Variants in SRCIN1 observed in about 807,000 individuals in gnomAD.
SRCIN1 encodes the protein P130Cas-associated protein.
Under a neutral mutation model 116.2 loss-of-function variants are expected in SRCIN1, and 50 were observed. The ratio of observed to expected loss-of-function variants is 0.43; its 90% CI spans 0.34 to 0.54. The LOEUF (loss-of-function observed/expected upper bound fraction) is 0.54. Ranked by LOEUF, SRCIN1 falls within the 20% of genes least tolerant of loss-of-function variation. SRCIN1 has a pLI of 0.02. For missense variants in SRCIN1, 1,446 were observed against 1,672.0 expected, an observed-to-expected ratio of 0.86 and a Z score of 2.36; for synonymous variants, 736 against 750.0, an observed-to-expected ratio of 0.98 and a Z score of 0.30.
chr17:38,570,207 C>A (rs1906986870), intron 2 of SRCIN1, among the ~76,000 whole-genome samples: 2 of 152,136 alleles, frequency 1.3e-5, no homozygotes, highest in Admixed American at 1.3e-4. Flanking sequence ...TGGAAACAAA[C>A]AGAAACTCAG....
chr17:38,567,811 C>T (rs909216773), intron 3 of SRCIN1, among the ~76,000 whole-genome samples: 3 of 152,172 alleles, frequency 2.0e-5, no homozygotes, highest in African/African-American at 7.2e-5. Context: ...ATCACAGTCA[C>T]AGGGCCTCCC....
In SRCIN1 at chr17:38,552,477, C is replaced by G. The variant is rs1905494862; in HGVS notation, c.2450G>C (p.Gly817Ala). 1 of 1,603,408 alleles carries G rather than the reference C, an allele frequency of 6.2e-7. No homozygotes were observed. Among genetic ancestry groups the G allele is most frequent in the Non-Finnish European group, 8.5e-7 (1 of 1,175,378 alleles). The change falls in exon 13 of 19, where the codon GGG becomes GCG. Residue 817 changes from glycine (G) to alanine (A), a missense_variant. Transcript: ENST00000617146. This position sits in a 1 kb window ranked among gnomAD's most constrained non-coding sequence, Gnocchi z 5.3. ...RLDGLLKRCR[G>A]VTDTLAQIRR... The stretch of plus-strand genomic sequence containing the variant: ...GATCTGGGCCAGCGTGTCCGTGACC[C>G]CGCGGCAGCGCTTGAGGAGCCCATC...
intron 18 of SRCIN1, among the ~76,000 whole-genome samples, chr17:38,536,899 G>A (rs1904410959): frequency 6.6e-6 from 1 of 152,240 alleles, no homozygotes; most frequent in Non-Finnish European, 1.5e-5. Flanking sequence ...AAACAGCTGT[G>A]TGAGGCCGGG....
At chr17:38,596,526 C>G (rs1391609561) in intron 1 of SRCIN1, among the ~76,000 whole-genome samples, 1 of 152,162 alleles carries the variant, frequency 6.6e-6, no homozygotes, top group Non-Finnish European at 1.5e-5. Flanking sequence ...GGGGCAGACA[C>G]TTTACTGAGG....
At chr17:38,542,573 G>C (rs892568855) in intron 18 of SRCIN1, 3 of 155,216 alleles carry the variant, frequency 1.9e-5, no homozygotes, top group African/African-American at 7.2e-5. Flanking sequence ...GGCTCGCAGG[G>C]TGTCTGGGGG....
At chr17:38,598,560 G>T (rs1410951993) in intron 1 of SRCIN1, among the ~76,000 whole-genome samples, 1 of 152,148 alleles carries the variant, frequency 6.6e-6, no homozygotes, top group African/African-American at 2.4e-5. Flanking sequence ...CTGGGTCTGG[G>T]GTCTCCAGCA....
rs961895340 is a variant in SRCIN1 at position 38,602,478 on chromosome 17, C to G, written c.22+3206G>C. On this transcript the variant is annotated intron_variant, in intron 1 of 18. Coordinates refer to ENST00000617146, the MANE Select transcript of SRCIN1 (RefSeq NM_025248.3). The surrounding 1 kb of genome is among the most constrained non-coding windows in gnomAD (Gnocchi z 4.2). ...TTGGGGGGCACAACCTGTCCCCCAC[C>G]CCCCACAAATCCTAGAGTCCAGAGC... The G allele has an allele frequency of 6.6e-6, 1 of 152,144 alleles. No individual in the cohort carries two copies. The highest frequency in any genetic ancestry group is 1.5e-5 in the Non-Finnish European group (1 of 68,058). 9.4% of individuals were successfully genotyped at this position (152,144 alleles called of 1,614,324 possible).
chr17:38,539,324 G>A (rs1240078528), intron 18 of SRCIN1, among the ~76,000 whole-genome samples: 8 of 152,126 alleles, frequency 5.3e-5, no homozygotes, highest in African/African-American at 1.4e-4. Flanking sequence ...TCCTGGCCTC[G>A]AGTGATCCTC....
chr17:38,557,399 C>T (rs1307753336), intron 11 of SRCIN1, among the ~76,000 whole-genome samples: 1 of 152,258 alleles, frequency 6.6e-6, no homozygotes, highest in Non-Finnish European at 1.5e-5. Flanking sequence ...GCCCTGATCA[C>T]TCAGCCTCTC....
rs1195569357 is a variant in SRCIN1 at position 38,563,093 on chromosome 17, G to A, written c.741-173C>T. 6.6e-6 allele frequency among the ~76,000 whole-genome samples: 1 copy of A among 152,206 alleles called. No homozygotes were observed. The highest frequency in any genetic ancestry group is 2.4e-5 in the African/African-American group (1 of 41,440). ...CCACCCCGGCCTCTTCCTGGCCTCC[G>A]GCGCCATTTTCAGGTTAGCTCAAAG... On this transcript the variant is annotated intron_variant, in intron 5 of 18. Transcript: ENST00000617146. This position sits in a 1 kb window ranked among gnomAD's most constrained non-coding sequence, Gnocchi z 5.8.
At chr17:38,599,759 C>G (rs1473045784) in intron 1 of SRCIN1, among the ~76,000 whole-genome samples, 1 of 152,166 alleles carries the variant, frequency 6.6e-6, no homozygotes, top group Non-Finnish European at 1.5e-5. Context: ...GCAGGGTGTC[C>G]CTGGGTGGCT....
intron 1 of SRCIN1, among the ~76,000 whole-genome samples, chr17:38,597,542 T>G (rs1355603183): frequency 2.6e-5 from 4 of 152,224 alleles, no homozygotes; most frequent in African/African-American, 9.6e-5. Flanking sequence ...CTACCCACTC[T>G]GTGAGGAAGC....
At chr17:38,576,599 G>A (rs1405169852) in intron 2 of SRCIN1, among the ~76,000 whole-genome samples, 3 of 152,010 alleles carry the variant, frequency 2.0e-5, no homozygotes, top group Admixed American at 6.6e-5. Flanking sequence ...AGTCCTGAGT[G>A]GTGCATATGG....
chr17:38,563,339 C>A lies in SRCIN1; in HGVS notation c.724G>T (p.Glu242Ter). ...IKDEARNVFY[E>*]LEDVRDIQDR... ...CACGCCCACCGGACGTCCTCCAGCT[C>A]GTAGAAGACGTTGCGAGCCTCGTCT... is the stretch of plus-strand genomic sequence containing the variant. Residue 242 changes from glutamate to a stop codon, truncating the protein, a stop_gained, in exon 5 of 19, where the codon GAG becomes TAG. Transcript: ENST00000617146. LOFTEE classifies it high-confidence loss of function. The surrounding 1 kb of genome is among the most constrained non-coding windows in gnomAD (Gnocchi z 5.8). 1 of 1,574,176 alleles carries A rather than the reference C, an allele frequency of 6.4e-7. No individual in the cohort carries two copies. Among genetic ancestry groups the A allele is most frequent in the South Asian group, 1.2e-5 (1 of 85,396 alleles).
rs114770101 is a variant in SRCIN1, at chr17:38,563,357, C to A, written c.706G>T (p.Ala236Ser). The A allele has an allele frequency of 1.4e-3, 2,163 of 1,580,226 alleles. 22 individuals are homozygous for A. In the African/African-American group the frequency reaches 0.026, roughly 19 times the overall value. The change falls in exon 5 of 19, where the codon GCT becomes TCT. Residue 236 changes from alanine to serine, a missense_variant. By Grantham distance (99) the Ala-to-Ser change is moderately conservative. Transcript: ENST00000617146. The surrounding 1 kb of genome is among the most constrained non-coding windows in gnomAD (Gnocchi z 5.8). ...PNTAILIKDE[A>S]RNVFYELEDV... The stretch of plus-strand genomic sequence containing the variant: ...TCCAGCTCGTAGAAGACGTTGCGAG[C>A]CTCGTCTTTGATGAGGATGGCGGTA...
intron 1 of SRCIN1, among the ~76,000 whole-genome samples, chr17:38,605,472 C>T (rs1375106163): frequency 6.7e-6 from 1 of 150,176 alleles, no homozygotes; most frequent in Non-Finnish European, 1.5e-5. Context: ...CCCAGCACTC[C>T]TCTCGCCCGG....
intron 1 of SRCIN1, among the ~76,000 whole-genome samples, chr17:38,591,102 G>A (rs968446073): frequency 6.6e-6 from 1 of 152,174 alleles, no homozygotes; most frequent in African/African-American, 2.4e-5. Context: ...TAGCCTTCTT[G>A]TACCTATGCT....
At chr17:38,581,093 C>T (rs1329840087) in intron 1 of SRCIN1, among the ~76,000 whole-genome samples, 1 of 152,116 alleles carries the variant, frequency 6.6e-6, no homozygotes, top group Non-Finnish European at 1.5e-5. Context: ...CTTTGGCCTC[C>T]CAAAGTGCTG....
Position 38,561,965 on chromosome 17 carries a change from A to G in SRCIN1, c.1198T>C (p.Tyr400His), listed in dbSNP as rs1413762234. 8 of 1,478,284 alleles carry G rather than the reference A, an allele frequency of 5.4e-6. No individual in the cohort carries two copies. The highest frequency in any genetic ancestry group is 6.2e-6 in the Non-Finnish European group (7 of 1,124,264). The allele number at this position is 1,478,284 out of a possible 1,614,324, so 91.6% of individuals were successfully genotyped here. A position where few individuals can be genotyped will look rare whatever the true frequency, so the allele number is the denominator to read the frequency against. ...AGACGGCCCTCGTGCAGCAGCCCGT[A>G]GGGGTCAGCATAGAGGCCCTCGCCT... Reference protein sequence around the residue: ...VKGEGLYADPYGLLHEGRLSL... With the variant: ...VKGEGLYADPHGLLHEGRLSL... Residue 400 changes from tyrosine (Y) to histidine (H), a missense_variant, in exon 7 of 19, where the codon TAC becomes CAC. Physicochemically the swap from Tyr to His is moderately conservative, Grantham distance 83. Around this residue, in one of 5 missense-constraint regions of SRCIN1, gnomAD observed 239 missense variants for 317.7 expected, o/e 0.75. Transcript: ENST00000617146.
Sources: gnomAD v4.1 joint callset for allele counts (sites outside exome capture counted in the v4.1 genomes callset) on GRCh38, gnomAD v4.1.1 for gene constraint, gnomAD v4.1.1 regional missense constraint, Gnocchi (gnomAD v3.1) non-coding constraint, MANE v1.5 for transcripts, NCBI Gene and HGNC (gene_info 2026-07-23, HGNC 2026-07-21) for gene names.